GRAMD4: variants seen among roughly 807,000 people sequenced by gnomAD.
GRAMD4 encodes GRAM domain-containing protein 4.
Under a neutral mutation model 83.9 loss-of-function variants are expected in GRAMD4, and 25 were observed. The observed-to-expected ratio is 0.30, with a 90% CI of 0.22 to 0.42. The LOEUF (loss-of-function observed/expected upper bound fraction) is 0.42, where lower values mean the gene tolerates loss of function less well. Among genes scored for constraint, GRAMD4 ranks in the 10% least tolerant of loss-of-function variants. The pLI, the probability that GRAMD4 is intolerant of heterozygous loss-of-function variation, is 1.00. For synonymous variants in GRAMD4, 336 were observed against 320.9 expected (o/e 1.05, Z -0.50); for missense variants, 593 against 788.7 (o/e 0.75, Z 2.97).
chr22:46,593,683 G>C lies in GRAMD4; in HGVS notation c.-50+16393G>C, dbSNP rs550841058. On this transcript the variant is annotated intron_variant, in intron 1 of 1. Transcript: ENST00000431155. ...TCATTGGCCTGGGGTCTGTGCTGCT[G>C]TTGGGCGTCTGTGCATAGTCCTCTT... Among the ~76,000 whole-genome samples the C allele has an allele frequency of 5.7e-4, 87 of 152,240 alleles. 1 individual carries two copies. Among genetic ancestry groups the C allele is most frequent in the Admixed American group, 3.1e-3 (47 of 15,286 alleles).
chr22:46,579,085 T>TG (rs1280764206), intron 1 of GRAMD4, among the ~76,000 whole-genome samples: 3 of 152,212 alleles, frequency 2.0e-5, no homozygotes, highest in Non-Finnish European at 4.4e-5. Flanking sequence ...TGTCCGGTGA[T>TG]GTCTGTCTTG....
In GRAMD4 at chr22:46,626,841, G is replaced by T; in HGVS notation, c.42G>T (p.Lys14Asn). 1 of 1,613,938 alleles carries T rather than the reference G, an allele frequency of 6.2e-7. No individual in the cohort carries two copies. Among genetic ancestry groups the T allele is most frequent in the Middle Eastern group, 1.6e-4 (1 of 6,062 alleles). ...RLDKIRFRGH[K>N]RDDFLDLAES... ...ACAAAATCAGGTTCAGAGGTCACAA[G>T]AGAGATGACTTCCTCGATCTAGCGG... Residue 14 changes from lysine (K) to asparagine (N), a missense_variant, in exon 2 of 19, where the codon AAG (lysine) becomes AAT (asparagine). By Grantham distance (94) the Lys-to-Asn change is moderately conservative. Transcript: ENST00000406902.
chr22:46,674,497 C>CACCTCACTCTTGCCGGCGCG, intron 15 of GRAMD4, 160 bp from the exon 16 acceptor site: 1 of 670,644 alleles, frequency 1.5e-6, no homozygotes, highest in African/African-American at 1.8e-5. Context: ...CCTCTGGGGC[C>CACCTCACTCTTGCCGGCGCG]ACCTCACTCT....
At chr22:46,635,631 CTG>C (rs2081866968) in intron 2 of GRAMD4, among the ~76,000 whole-genome samples, 4 of 125,672 alleles carry the variant, frequency 3.2e-5, no homozygotes, top group Non-Finnish European at 7.0e-5. Context: ...CACTCCTGTC[CTG>C]GGGGACCGTG....
In GRAMD4 at chr22:46,632,915, G is replaced by T. The variant is rs529770047; in HGVS notation, c.163-4925G>T. Among the ~76,000 whole-genome samples, 29 of 152,348 alleles carry T rather than the reference G, an allele frequency of 1.9e-4. No homozygotes were observed. In the South Asian group the frequency reaches 5.8e-3, roughly 30 times the overall value. On this transcript the variant is annotated intron_variant, in intron 2 of 18. Transcript: ENST00000406902. The stretch of plus-strand genomic sequence containing the variant: ...GTTGAATTTTCCGCCTCTGCACTGG[G>T]CAGAGCCTTTCCACGCAGGCCTCTG...
intron 10 of GRAMD4, among the ~76,000 whole-genome samples, chr22:46,667,689 C>G (rs2082431551): frequency 6.6e-6 from 1 of 152,236 alleles, no homozygotes; most frequent in African/African-American, 2.4e-5. Flanking sequence ...AGGAGGCAGG[C>G]TGTTGCCCGC....
chr22:46,663,046 G>C lies in GRAMD4; in HGVS notation c.473G>C (p.Arg158Pro). ...QAQASNGAER[R>P]SQGLSSRLQK... ...GGGTCCCTGCCCCCTGCAGAGCGCC[G>C]GAGCCAGGGGCTGTCCTCGCGCCTG... Residue 158 changes from arginine to proline, a missense_variant, in exon 6 of 19, where the codon CGG becomes CCG. Around this residue, in one of 4 missense-constraint regions of GRAMD4, gnomAD observed 312 missense variants for 350.7 expected, o/e 0.89. Coordinates refer to ENST00000406902, the MANE Select transcript of GRAMD4 (RefSeq NM_015124.5). 2.5e-6 allele frequency: 4 copies of C among 1,608,114 alleles called. No individual in the cohort carries two copies. Among genetic ancestry groups the C allele is most frequent in the Non-Finnish European group, 3.4e-6 (4 of 1,177,038 alleles).
intron 18 of GRAMD4, 48 bp downstream of exon 18, chr22:46,676,716 G>T (rs376856260): frequency 8.0e-6 from 12 of 1,501,938 alleles, no homozygotes; most frequent in East Asian, 2.5e-5. Context: ...GGGCCCAGGG[G>T]CCTGACTCTG....
chr22:46,632,000 A>G (rs956896466), intron 2 of GRAMD4, among the ~76,000 whole-genome samples: 1 of 152,122 alleles, frequency 6.6e-6, no homozygotes, highest in Non-Finnish European at 1.5e-5. Context: ...GGGGATGGGT[A>G]GACCCTTACG....
rs138248938 is a variant in GRAMD4 at position 46,641,176 on chromosome 22, G to A, written c.283+3216G>A. On this transcript the variant is annotated intron_variant, in intron 3 of 18. Coordinates refer to ENST00000406902, the MANE Select transcript of GRAMD4 (RefSeq NM_015124.5). ...TAACCTTTGCCTGCCGGGTTCAAGCGATTCTCTGGCCTCAGCCTCCTGAGT... is the reference window on the plus strand; with the variant it reads ...TAACCTTTGCCTGCCGGGTTCAAGCAATTCTCTGGCCTCAGCCTCCTGAGT... Among the ~76,000 whole-genome samples the A allele has an allele frequency of 2.9e-3, 435 of 152,272 alleles. 4 individuals are homozygous for A. Among genetic ancestry groups the A allele is most frequent in the African/African-American group, 9.9e-3 (411 of 41,564 alleles).
chr22:46,604,750 A>G (rs1321368080), intron 1 of GRAMD4, among the ~76,000 whole-genome samples: 1 of 152,066 alleles, frequency 6.6e-6, no homozygotes, highest in East Asian at 1.9e-4. Flanking sequence ...CTGGTGCCAT[A>G]ATGTTCTGTG....
At chr22:46,629,950 C>T (rs1016069759) in intron 2 of GRAMD4, among the ~76,000 whole-genome samples, 6 of 152,124 alleles carry the variant, frequency 3.9e-5, no homozygotes, top group South Asian at 2.1e-4. Flanking sequence ...ATCCATGCTG[C>T]GGTGTGCATT....
chr22:46,654,495 T>C (rs2082213867), intron 3 of GRAMD4, among the ~76,000 whole-genome samples: 1 of 152,094 alleles, frequency 6.6e-6, no homozygotes, highest in African/African-American at 2.4e-5. Flanking sequence ...GAGCCGGCCC[T>C]CAAGTGGCTC....
At chr22:46,673,224 G>C (rs1235265225) in intron 14 of GRAMD4, among the ~76,000 whole-genome samples, 2 of 152,138 alleles carry the variant, frequency 1.3e-5, no homozygotes, top group African/African-American at 4.8e-5. Context: ...TGGCCATGAT[G>C]ACTGAGAGCC....
intron 1 of GRAMD4, among the ~76,000 whole-genome samples, chr22:46,595,782 T>C (rs1444778824): frequency 6.6e-6 from 1 of 152,192 alleles, no homozygotes; most frequent in Non-Finnish European, 1.5e-5. Context: ...GGTGACTGCA[T>C]GGGCAGGTGA....
intron 4 of GRAMD4, among the ~76,000 whole-genome samples, chr22:46,660,755 G>T (rs1200245911): frequency 6.6e-6 from 1 of 152,110 alleles, no homozygotes. Context: ...TCTTCTCAGG[G>T]TTTACTCCTC....
At position 46,626,904 on chromosome 22, in the gene GRAMD4, A is replaced by G. The variant is rs2081669384; in HGVS notation, c.105A>G (p.Glu35=). ...PNASDTECSD[E]IPLKVPRTSP... is the part of the protein sequence containing the mutation. The stretch of plus-strand genomic sequence containing the variant: ...CCTCGGACACCGAATGCAGCGACGA[A>G]ATCCCCCTGAAGGTACCGCGGACCT... The change falls in exon 2 of 19, where the codon GAA becomes GAG. Residue 35 remains glutamate (E), a synonymous_variant. Coordinates refer to ENST00000406902, the MANE Select transcript of GRAMD4 (RefSeq NM_015124.5). 3 of 1,614,060 alleles carry G rather than the reference A, an allele frequency of 1.9e-6. No individual in the cohort carries two copies. The African/African-American group carries it at 4.0e-5, about 22-fold the overall frequency.
chr22:46,609,803 T>C (rs1203079028), intron 1 of GRAMD4, among the ~76,000 whole-genome samples: 2 of 152,250 alleles, frequency 1.3e-5, no homozygotes, highest in Admixed American at 6.5e-5. Flanking sequence ...TAGGGCTGGC[T>C]CCTGGCTTCA....
chr22:46,603,763 G>A (rs1011054152), intron 1 of GRAMD4, among the ~76,000 whole-genome samples: 2 of 151,606 alleles, frequency 1.3e-5, no homozygotes, highest in Non-Finnish European at 2.9e-5. Context: ...TGATCCGCCC[G>A]CCTCGGCCTC....
Sources: gnomAD v4.1 joint callset for allele counts (sites outside exome capture counted in the v4.1 genomes callset) on GRCh38, gnomAD v4.1.1 for gene constraint, gnomAD v4.1.1 regional missense constraint, MANE v1.5 for transcripts, NCBI Gene and HGNC (gene_info 2026-07-23, HGNC 2026-07-21) for gene names.